Variants in PHKA1 observed in about 807,000 individuals in gnomAD.
PHKA1 encodes the protein phosphorylase kinase regulatory subunit alpha 1.
PHKA1 carries 60 observed loss-of-function variants against 110.2 expected under a neutral mutation model. The ratio of observed to expected loss-of-function variants is 0.54; its 90% CI spans 0.44 to 0.68. The LOEUF (loss-of-function observed/expected upper bound fraction) is 0.68. Among genes scored for constraint, PHKA1 ranks in the 30% least tolerant of loss-of-function variants. The pLI is 0.00. For synonymous variants in PHKA1, 316 were observed against 333.6 expected, an observed-to-expected ratio of 0.95 and a Z score of 0.58; for missense variants, 801 against 942.5, an observed-to-expected ratio of 0.85 and a Z score of 1.97.
chrX:72,588,461 C>T (rs1209879150), intron 29 of PHKA1, among the ~76,000 whole-genome samples: 1 of 111,486 alleles, frequency 9.0e-6, no homozygotes, highest in Non-Finnish European at 1.9e-5. Flanking sequence ...ACTAAATGCC[C>T]ACAAGAGAAA....
chrX:72,605,284 G>T lies in PHKA1; in HGVS notation c.2802C>A (p.Ser934=). 8.3e-7 allele frequency: 1 copy of T among 1,203,699 alleles called. No homozygotes were observed. Among genetic ancestry groups the T allele is most frequent in the Non-Finnish European group, 1.1e-6 (1 of 888,169 alleles). ...TGAATTAAGTACCTGAGCATCGAAGGGAGTGGGCCAGTTCTGTTGCCATAA... is the reference window on the plus strand; with the variant it reads ...TGAATTAAGTACCTGAGCATCGAAGTGAGTGGGCCAGTTCTGTTGCCATAA... The part of the protein sequence containing the change: ...IQVMATELAH[S]LRCSAEEATE... The change falls in exon 25 of 32, where the codon TCC becomes TCA. Residue 934 remains serine (S), a synonymous_variant. Coordinates refer to ENST00000373542, the MANE Select transcript of PHKA1 (RefSeq NM_002637.4).
Position 72,644,491 on chromosome X carries a change from T to C in PHKA1, c.1330A>G (p.Ile444Val). 1.7e-6 allele frequency: 2 copies of C among 1,208,546 alleles called. No individual in the cohort carries two copies. Among genetic ancestry groups the C allele is most frequent in the Non-Finnish European group, 2.2e-6 (2 of 893,278 alleles). ...PKPDVVVQVSILAETEEIKTI... is the reference protein window; with the variant it reads ...PKPDVVVQVSVLAETEEIKTI... ...TTGATTTCTTCTGTTTCAGCTAGAA[T>C]GGAGACTAGAGGAGACAAAGAAGAT... is the stretch of plus-strand genomic sequence containing the variant. The change falls in exon 14 of 32, where the codon ATT becomes GTT. Residue 444 changes from isoleucine to valine, a missense_variant. By Grantham distance (29) the Ile-to-Val change is conservative. This residue lies in a region of PHKA1 where 299 missense variants were observed against 423.3 expected (regional missense o/e 0.71). Transcript: ENST00000373542.
chrX:72,626,837 A>G lies in PHKA1; in HGVS notation c.1793+134T>C. 3 of 545,988 alleles carry G rather than the reference A, an allele frequency of 5.5e-6. No homozygotes were observed. The South Asian group carries it at 7.5e-5, about 14-fold the overall frequency. 45.0% of individuals were successfully genotyped at this position (545,988 alleles called of 1,213,427 possible). A position where few individuals can be genotyped will look rare whatever the true frequency, so the allele number is the denominator to read the frequency against. On this transcript the variant is annotated intron_variant, in intron 17 of 31. Coordinates refer to ENST00000373542, the MANE Select transcript of PHKA1 (RefSeq NM_002637.4). The stretch of plus-strand genomic sequence containing the variant: ...TGCAGACTACAGGTTGACCACGGGT[A>G]ACTGAAATATCGGAGTCAAATTGTA...
At chrX:72,617,075 T>C (rs1556270402) in intron 21 of PHKA1, among the ~76,000 whole-genome samples, 1 of 111,545 alleles carries the variant, frequency 9.0e-6, no homozygotes, top group Non-Finnish European at 1.9e-5. Context: ...AACAACATAA[T>C]GTTACACCTA....
At chrX:72,600,673 T>C (rs1193929478) in intron 28 of PHKA1, among the ~76,000 whole-genome samples, 2 of 111,380 alleles carry the variant, frequency 1.8e-5, no homozygotes, top group African/African-American at 6.5e-5. Flanking sequence ...TGGCTCATTG[T>C]CTTCCTAAAT....
chrX:72,602,348 A>C lies in PHKA1; in HGVS notation c.2918-75T>G, dbSNP rs967484777. On this transcript the variant is annotated intron_variant, in intron 26 of 31. Transcript: ENST00000373542. ...ATTTCTTCCCCATCACATTTAAAAAAAACTTTCATATATATCCTTATTTTT... is the reference window on the plus strand; with the variant it reads ...ATTTCTTCCCCATCACATTTAAAAACAACTTTCATATATATCCTTATTTTT... The C allele has an allele frequency of 4.5e-5, 27 of 606,568 alleles. No individual in the cohort carries two copies. The South Asian group carries it at 4.6e-4, about 10-fold the overall frequency. 50.0% of individuals were successfully genotyped at this position (606,568 alleles called of 1,213,427 possible).
At chrX:72,682,464 C>T (rs1186780985) in intron 5 of PHKA1, among the ~76,000 whole-genome samples, 3 of 110,414 alleles carry the variant, frequency 2.7e-5, no homozygotes, top group Non-Finnish European at 5.7e-5. Context: ...ATGACAATGG[C>T]GGCTTTGTGG....
intron 3 of PHKA1, among the ~76,000 whole-genome samples, chrX:72,701,080 G>A (rs1194146862): frequency 7.1e-5 from 8 of 112,228 alleles, no homozygotes; most frequent in Admixed American, 2.8e-4. Context: ...CTTAACTTAT[G>A]GCAATACAGT....
chrX:72,711,332 C>A (rs1556334663), intron 2 of PHKA1, among the ~76,000 whole-genome samples: 5 of 112,002 alleles, frequency 4.5e-5, no homozygotes, highest in Non-Finnish European at 3.8e-5. Context: ...ACACTGAGCT[C>A]AAACTAGAAA....
intron 8 of PHKA1, among the ~76,000 whole-genome samples, chrX:72,659,075 A>T (rs2053530319): frequency 1.8e-5 from 2 of 111,834 alleles, no homozygotes; most frequent in African/African-American, 6.5e-5. Flanking sequence ...GCATTTATTA[A>T]TTGACATTCT....
intron 4 of PHKA1, among the ~76,000 whole-genome samples, chrX:72,692,941 C>CT (rs60176152): frequency 0.11 from 10,922 of 97,274 alleles, 525 homozygotes; most frequent in Non-Finnish European, 0.14. Context: ...ATTTTTCTTT[C>CT]TTTTTTTTTT....
Position 72,609,609 on chromosome X carries a change from C to A in PHKA1, c.2606+15G>T, listed in dbSNP as rs1556256787. On this transcript the variant is annotated intron_variant, in intron 23 of 31. Transcript: ENST00000373542. The stretch of plus-strand genomic sequence containing the variant: ...TCCTTCTCAGAGAAGCCTGACCAAA[C>A]CCAGCCATACTCACGCAGAGATAGT... 2 of 1,168,095 alleles carry A rather than the reference C, an allele frequency of 1.7e-6. No homozygotes were observed. Among genetic ancestry groups the A allele is most frequent in the African/African-American group, 3.6e-5 (2 of 56,338 alleles).
chrX:72,605,311 T>G lies in PHKA1; in HGVS notation c.2775A>C (p.Gln925His). 8.3e-7 allele frequency: 1 copy of G among 1,205,949 alleles called. No homozygotes were observed. Among genetic ancestry groups the G allele is most frequent in the Non-Finnish European group, 1.1e-6 (1 of 890,162 alleles). ...MFRLRIGLII[Q>H]VMATELAHSL... ...AGTGGGCCAGTTCTGTTGCCATAAC[T>G]TGTATGATCAGACCAATTCGAAGTC... The change falls in exon 25 of 32, where the codon CAA (glutamine) becomes CAC (histidine). Residue 925 changes from glutamine to histidine, a missense_variant. Gln to His is a conservative substitution (Grantham distance 24). Transcript: ENST00000373542.
intron 3 of PHKA1, among the ~76,000 whole-genome samples, chrX:72,696,941 C>G (rs986776189): frequency 9.0e-5 from 10 of 111,128 alleles, no homozygotes; most frequent in African/African-American, 3.0e-4. Flanking sequence ...CTGAGAGCAC[C>G]CCCTCAACAG....
chrX:72,617,223 T>G (rs2052911000), intron 21 of PHKA1, among the ~76,000 whole-genome samples: 1 of 109,955 alleles, frequency 9.1e-6, no homozygotes, highest in Non-Finnish European at 1.9e-5. Flanking sequence ...TTGGTTTTTT[T>G]GAAAAGATAA....
intron 28 of PHKA1, 97 bp downstream of exon 28, chrX:72,601,894 A>G (rs1556243360): frequency 3.2e-6 from 2 of 621,266 alleles, no homozygotes; most frequent in East Asian, 7.1e-5. Flanking sequence ...CTACTCCATG[A>G]CTTGTTATCT....
In PHKA1 at chrX:72,653,423, T is replaced by A; in HGVS notation, c.1137+12A>T. The A allele has an allele frequency of 8.7e-7, 1 of 1,146,040 alleles. No homozygotes were observed. The highest frequency in any genetic ancestry group is 1.2e-6 in the Non-Finnish European group (1 of 835,687). 94.4% of individuals were successfully genotyped at this position (1,146,040 alleles called of 1,213,427 possible). ...CTCTATCAGCTACATGTTATGGCAC[T>A]GTCTGACTCACCCTGTCAGGAGGAA... On this transcript the variant is annotated intron_variant, in intron 11 of 31. Coordinates refer to ENST00000373542, the MANE Select transcript of PHKA1 (RefSeq NM_002637.4).
intron 12 of PHKA1, among the ~76,000 whole-genome samples, chrX:72,652,056 C>T (rs1331504364): frequency 9.0e-6 from 1 of 111,226 alleles, no homozygotes; most frequent in Non-Finnish European, 1.9e-5. Flanking sequence ...TAGAGAGACC[C>T]TTAACAAAAT....
intron 8 of PHKA1, among the ~76,000 whole-genome samples, chrX:72,657,906 C>T (rs2053515387): frequency 8.9e-6 from 1 of 111,769 alleles, no homozygotes; most frequent in African/African-American, 3.3e-5. Flanking sequence ...TAACAGTATC[C>T]TCTCCATGGC....
Sources: gnomAD v4.1 joint callset for allele counts (sites outside exome capture counted in the v4.1 genomes callset) on GRCh38, gnomAD v4.1.1 for gene constraint, gnomAD v4.1.1 regional missense constraint, MANE v1.5 for transcripts, NCBI Gene and HGNC (gene_info 2026-07-23, HGNC 2026-07-21) for gene names.